Variants in CEP128 observed in about 807,000 individuals in gnomAD.
The protein encoded by CEP128 is centrosomal protein 128.
CEP128 carries 132 observed loss-of-function variants against 156.7 expected under a neutral mutation model. The observed-to-expected ratio is 0.84, with a 90% CI of 0.73 to 0.97. The LOEUF (loss-of-function observed/expected upper bound fraction) is 0.97, where lower values mean the gene tolerates loss of function less well. Ranked by LOEUF, CEP128 falls within the 50% of genes least tolerant of loss-of-function variation. The probability of loss-of-function intolerance (pLI) is 0.00; values close to 1 mark genes in which losing one functional copy is unlikely to be tolerated. For synonymous variants in CEP128, 469 were observed against 448.9 expected, an observed-to-expected ratio of 1.04 and a Z score of -0.57; for missense variants, 1,252 against 1,281.9, an observed-to-expected ratio of 0.98 and a Z score of 0.36.
chr14:80,619,997 C>A (rs1448483293), intron 19 of CEP128, among the ~76,000 whole-genome samples: 1 of 151,596 alleles, frequency 6.6e-6, no homozygotes. Flanking sequence ...TGGTGGTGGG[C>A]GCCTGTAACC....
intron 12 of CEP128, among the ~76,000 whole-genome samples, chr14:80,834,886 T>C (rs1174548999): frequency 2.0e-5 from 3 of 152,170 alleles, no homozygotes; most frequent in Non-Finnish European, 2.9e-5. Flanking sequence ...AAGGCTTGGA[T>C]ATAGTTTATT....
At chr14:80,790,321 C>G (rs563174205) in intron 14 of CEP128, among the ~76,000 whole-genome samples, 1 of 152,154 alleles carries the variant, frequency 6.6e-6, no homozygotes, top group African/African-American at 2.4e-5. Context: ...TTCAGAAAAG[C>G]ATATACTATG....
intron 19 of CEP128, among the ~76,000 whole-genome samples, chr14:80,613,292 A>AATT (rs1893075034): frequency 1.5e-5 from 1 of 65,402 alleles, no homozygotes; most frequent in African/African-American, 6.5e-5. Context: ...AATGGAGAGC[A>AATT]TTTTTTTTTT....
intron 19 of CEP128, among the ~76,000 whole-genome samples, chr14:80,711,214 T>A (rs987834603): frequency 3.3e-5 from 5 of 152,080 alleles, no homozygotes; most frequent in African/African-American, 1.2e-4. Context: ...TAATCCTGTA[T>A]TACTTGCCCT....
chr14:80,894,803 A>T (rs1365356801), intron 8 of CEP128: 1 of 296,270 alleles, frequency 3.4e-6, no homozygotes, highest in Non-Finnish European at 6.5e-6. Context: ...AGATCAACTT[A>T]GTTGATCTTT....
chr14:80,789,520 G>A (rs1028743759), intron 14 of CEP128, among the ~76,000 whole-genome samples: 6 of 152,090 alleles, frequency 3.9e-5, no homozygotes, highest in East Asian at 1.9e-4. Flanking sequence ...TAAGGATGAC[G>A]GCAAGAATTA....
intron 19 of CEP128, among the ~76,000 whole-genome samples, chr14:80,699,941 A>T (rs1416357179): frequency 6.6e-6 from 1 of 152,160 alleles, no homozygotes; most frequent in African/African-American, 2.4e-5. Context: ...TCTTCAAGCA[A>T]AGAGCTAACA....
At chr14:80,872,085 T>C (rs1888056059) in intron 8 of CEP128, among the ~76,000 whole-genome samples, 2 of 152,136 alleles carry the variant, frequency 1.3e-5, no homozygotes, top group Non-Finnish European at 2.9e-5. Context: ...CAGAAACAGC[T>C]GGATCCATGT....
intron 14 of CEP128, among the ~76,000 whole-genome samples, chr14:80,479,538 T>C (rs554533604): frequency 1.3e-5 from 2 of 152,212 alleles, no homozygotes; most frequent in South Asian, 4.1e-4. Context: ...CATGAGAATA[T>C]CACGGGAAAG....
intron 23 of CEP128, among the ~76,000 whole-genome samples, chr14:80,517,774 T>A (rs1888557395): frequency 1.3e-5 from 2 of 152,142 alleles, no homozygotes; most frequent in East Asian, 3.9e-4. Context: ...TACTAGAAGC[T>A]GTGGGTCATG....
At chr14:80,912,773 AT>A (rs1230146132) in intron 4 of CEP128, among the ~76,000 whole-genome samples, 5 of 46,564 alleles carry the variant, frequency 1.1e-4, no homozygotes, top group Admixed American at 8.0e-4. Context: ...GTAAAAAAAA[AT>A]AATAATAATA....
chr14:80,843,649 G>A (rs1216314752), intron 9 of CEP128, among the ~76,000 whole-genome samples: 4 of 151,970 alleles, frequency 2.6e-5, no homozygotes, highest in Non-Finnish European at 4.4e-5. Flanking sequence ...AATATTTTAA[G>A]CTTAACAGAA....
chr14:80,805,571 GA>G (rs2139913126), intron 13 of CEP128, among the ~76,000 whole-genome samples: 1 of 152,218 alleles, frequency 6.6e-6, no homozygotes, highest in South Asian at 2.1e-4. Context: ...AAATTTAATG[GA>G]GTTTCACCTG....
At chr14:80,718,683 C>G in intron 19 of CEP128, among the ~76,000 whole-genome samples, 1 of 152,184 alleles carries the variant, frequency 6.6e-6, no homozygotes, top group East Asian at 1.9e-4. Context: ...AGGATTCTGA[C>G]AGTCTCTTCT....
At chr14:80,836,433 TCTC>T (rs2140066150) in intron 11 of CEP128, 96 bp from the exon 12 acceptor site, 4 of 1,362,608 alleles carry the variant, frequency 2.9e-6, no homozygotes, top group East Asian at 2.3e-5. Context: ...TCCAGGTTAA[TCTC>T]CTTCCAAGCA....
chr14:80,711,033 G>A (rs992441957), intron 19 of CEP128, among the ~76,000 whole-genome samples: 2 of 152,018 alleles, frequency 1.3e-5, no homozygotes, highest in Admixed American at 1.3e-4. Flanking sequence ...CAGTATAGCA[G>A]CTAAAAACAA....
In CEP128 at chr14:80,704,381, AT is replaced by A. The variant is rs1225599793; in HGVS notation, c.2806+38693del. ...TGTATATAAAATGAAGGATTTAGTT[AT>A]TTTTTTAAAAAAGTTTATGAGTGTA... On this transcript the variant is annotated intron_variant, in intron 19 of 24. Transcript: ENST00000555265. 3.3e-5 allele frequency among the ~76,000 whole-genome samples: 5 copies of A among 152,038 alleles called. No individual in the cohort carries two copies. The South Asian group carries it at 6.2e-4, about 19-fold the overall frequency.
intron 23 of CEP128, among the ~76,000 whole-genome samples, chr14:80,515,044 G>A (rs1023041748): frequency 3.3e-5 from 5 of 152,142 alleles, no homozygotes; most frequent in African/African-American, 1.2e-4. Context: ...GTTACCAGGC[G>A]GAATCTCTTT....
At chr14:80,676,111 T>C (rs1490645113) in intron 19 of CEP128, among the ~76,000 whole-genome samples, 1 of 152,190 alleles carries the variant, frequency 6.6e-6, no homozygotes, top group African/African-American at 2.4e-5. Context: ...TTATTAGAAA[T>C]TTGTATCACT....
Sources: allele counts gnomAD v4.1 joint callset (sites outside exome capture counted in the v4.1 genomes callset), GRCh38; gene constraint gnomAD v4.1.1; transcripts MANE v1.5; gene names NCBI Gene and HGNC (gene_info 2026-07-23, HGNC 2026-07-21).